Variants in STX3 observed in about 807,000 individuals in gnomAD.
STX3 encodes the protein syntaxin 3.
STX3 carries 19 observed loss-of-function variants against 40.2 expected under a neutral mutation model. That is an observed-to-expected ratio of 0.47 (90% CI 0.33 to 0.69). The LOEUF (loss-of-function observed/expected upper bound fraction) is 0.69, where lower values mean the gene tolerates loss of function less well. Ranked by LOEUF, STX3 falls within the 30% of genes least tolerant of loss-of-function variation. The pLI, the probability that STX3 is intolerant of heterozygous loss-of-function variation, is 0.02. For missense variants in STX3, 364 were observed against 366.7 expected (o/e 0.99, Z 0.06); for synonymous variants, 122 against 132.2 (o/e 0.92, Z 0.53).
At chr11:59,776,264 C>T (rs1228857224) in intron 2 of STX3, among the ~76,000 whole-genome samples, 1 of 152,166 alleles carries the variant, frequency 6.6e-6, no homozygotes, top group African/African-American at 2.4e-5. Context: ...GTTAACTACT[C>T]TAAACCCCAG....
At position 59,793,084 on chromosome 11, in the gene STX3, T is replaced by A; in HGVS notation, c.467-15T>A. ...GTGATCTTATATTTGACGCTCTACT[T>A]CTTTTGTTACAAAGCTGGCAAAAAG... On this transcript the variant is annotated splice_polypyrimidine_tract_variant and intron_variant, in intron 6 of 10. Transcript: ENST00000337979. The A allele has an allele frequency of 1.2e-6, 2 of 1,612,832 alleles. No individual in the cohort carries two copies. The highest frequency in any genetic ancestry group is 1.7e-6 in the Non-Finnish European group (2 of 1,179,744).
intron 2 of STX3, among the ~76,000 whole-genome samples, chr11:59,783,144 G>A (rs898595478): frequency 5.3e-5 from 8 of 152,164 alleles, no homozygotes; most frequent in Non-Finnish European, 8.8e-5. Flanking sequence ...TTTGTAAAAA[G>A]CTTTCTATAG....
At chr11:59,790,235 G>A (rs1865042826) in intron 4 of STX3, among the ~76,000 whole-genome samples, 1 of 152,166 alleles carries the variant, frequency 6.6e-6, no homozygotes, top group Non-Finnish European at 1.5e-5. Flanking sequence ...GGGTTAAGTG[G>A]CTTTTTCAAA....
At chr11:59,795,761 A>AT (rs1438205612) in intron 9 of STX3, 2 of 1,489,884 alleles carry the variant, frequency 1.3e-6, no homozygotes, top group Admixed American at 3.9e-5. Flanking sequence ...TCTTACTAGT[A>AT]TCTCTTCTCC....
intron 2 of STX3, among the ~76,000 whole-genome samples, chr11:59,784,441 G>T (rs888947574): frequency 6.6e-6 from 1 of 152,202 alleles, no homozygotes; most frequent in African/African-American, 2.4e-5. Flanking sequence ...AGTTCTAAGA[G>T]GGGCCAGTAG....
At chr11:59,770,680 T>C (rs1281046364) in intron 1 of STX3, among the ~76,000 whole-genome samples, 1 of 152,138 alleles carries the variant, frequency 6.6e-6, no homozygotes, top group Non-Finnish European at 1.5e-5. Flanking sequence ...GCTAGTTATT[T>C]ATTCAGCTAA....
intron 1 of STX3, among the ~76,000 whole-genome samples, chr11:59,772,095 T>G (rs994061938): frequency 6.6e-5 from 10 of 152,294 alleles, no homozygotes; most frequent in Non-Finnish European, 1.3e-4. Context: ...GAAAGAGGCT[T>G]CTGGTGGCAT....
At chr11:59,797,647 C>G (rs1413148196) in intron 10 of STX3, among the ~76,000 whole-genome samples, 1 of 152,172 alleles carries the variant, frequency 6.6e-6, no homozygotes, top group Non-Finnish European at 1.5e-5. Flanking sequence ...TGTCGTATTA[C>G]CACTTCTCCC....
In STX3 at chr11:59,755,648, G is replaced by T. The variant is rs1862667240; in HGVS notation, c.30+13G>T. On this transcript the variant is annotated intron_variant, in intron 1 of 10. Transcript: ENST00000337979. ...GCAGCTGAAGGCCGTGAGTTTCGCC[G>T]CAGGCGGGGTGCTGCCAGGAGGGGT... The T allele has an allele frequency of 1.9e-6, 3 of 1,590,728 alleles. No homozygotes were observed. Among genetic ancestry groups the T allele is most frequent in the Non-Finnish European group, 2.6e-6 (3 of 1,174,520 alleles).
intron 10 of STX3, chr11:59,799,729 C>T: frequency 1.0e-6 from 1 of 985,352 alleles, no homozygotes; most frequent in Non-Finnish European, 1.2e-6. Flanking sequence ...TAAAAGTCAG[C>T]TTATTACAGC....
intron 1 of STX3, among the ~76,000 whole-genome samples, chr11:59,771,540 C>T (rs781658655): frequency 2.0e-5 from 3 of 151,972 alleles, no homozygotes; most frequent in Non-Finnish European, 4.4e-5. Context: ...TTAACTTTTG[C>T]ATGCGGGAGC....
chr11:59,774,071 C>A (rs895944882), intron 2 of STX3, among the ~76,000 whole-genome samples: 3 of 151,070 alleles, frequency 2.0e-5, no homozygotes, highest in African/African-American at 7.3e-5. Context: ...TGTAAAAGTT[C>A]AACAGGGGCA....
Position 59,781,089 on chromosome 11 carries a change from T to TC in STX3, c.115-5948_115-5947insC, listed in dbSNP as rs1565177273. On this transcript the variant is annotated intron_variant, in intron 2 of 10. Transcript: ENST00000337979. ...CTTTTCATCAACATTTGTTTTCTTT[T>TC]TTTTTTTTTTTTATATTAGCACAAA... 3.6e-3 allele frequency among the ~76,000 whole-genome samples: 526 copies of TC among 146,860 alleles called. 4 individuals are homozygous for TC. The highest frequency in any genetic ancestry group is 0.013 in the African/African-American group (501 of 38,408).
chr11:59,774,119 C>G (rs376459980), intron 2 of STX3, among the ~76,000 whole-genome samples: 82 of 152,094 alleles, frequency 5.4e-4, no homozygotes, highest in African/African-American at 2.0e-3. Flanking sequence ...GTACTCTGAT[C>G]TTAAAGGTCC....
chr11:59,785,505 ATTTTTTGTAGCGACGGGGT>A (rs1864696414), intron 2 of STX3, among the ~76,000 whole-genome samples: 1 of 151,830 alleles, frequency 6.6e-6, no homozygotes, highest in African/African-American at 2.4e-5. Context: ...TGATTTTTGT[ATTTTTTGTAGCGACGGGGT>A]TTTGCCATGT....
At chr11:59,770,693 T>A (rs374916393) in intron 1 of STX3, among the ~76,000 whole-genome samples, 73 of 152,210 alleles carry the variant, frequency 4.8e-4, no homozygotes, top group Middle Eastern at 3.4e-3. Flanking sequence ...TCAGCTAAAA[T>A]TGGTTAAATT....
At position 59,773,258 on chromosome 11, in the gene STX3, C is replaced by T. The variant is rs376688869; in HGVS notation, c.78C>T (p.Ile26=). 12 of 1,613,994 alleles carry T rather than the reference C, an allele frequency of 7.4e-6. No individual in the cohort carries two copies. The highest frequency in any genetic ancestry group is 1.1e-5 in the South Asian group (1 of 91,080). Residue 26 remains isoleucine (I), a synonymous_variant, in exon 2 of 11, where the codon ATC becomes ATT. Coordinates refer to ENST00000337979, the MANE Select transcript of STX3 (RefSeq NM_004177.5). ...DDDTDAVEIA[I]DNTAFMDEFF... is the part of the protein sequence containing the mutation. ...ATACTGATGCGGTTGAGATTGCTAT[C>T]GACAACACGGCTTTTATGGACGAGT...
chr11:59,759,332 A>G (rs527873197), intron 1 of STX3, among the ~76,000 whole-genome samples: 11 of 152,324 alleles, frequency 7.2e-5, no homozygotes, highest in African/African-American at 2.6e-4. Context: ...AAACAACTCA[A>G]GGGAGCATCA....
chr11:59,762,317 C>A (rs77480275), intron 1 of STX3, among the ~76,000 whole-genome samples: 1 of 152,218 alleles, frequency 6.6e-6, no homozygotes, highest in Non-Finnish European at 1.5e-5. Context: ...GCCCAGGCAC[C>A]CCTCCTAGCT....
Sources: allele counts gnomAD v4.1 joint callset (sites outside exome capture counted in the v4.1 genomes callset), GRCh38; gene constraint gnomAD v4.1.1; transcripts MANE v1.5; gene names NCBI Gene and HGNC (gene_info 2026-07-23, HGNC 2026-07-21).